ELOB: variants seen among roughly 807,000 people sequenced by gnomAD.
ELOB encodes elongin-B.
Under a neutral mutation model 12.9 loss-of-function variants are expected in ELOB, and 3 were observed. That is an observed-to-expected ratio of 0.23 (90% CI 0.11 to 0.60). ELOB has a LOEUF of 0.60. ELOB is among the 20% of genes least tolerant of loss of function. ELOB has a pLI of 0.89. For missense variants in ELOB, 126 were observed against 159.2 expected (o/e 0.79, Z 1.12); for synonymous variants, 84 against 67.4 (o/e 1.25, Z -1.21).
intron 3 of ELOB, among the ~76,000 whole-genome samples, chr16:2,774,601 C>G (rs1199629536): frequency 6.6e-6 from 1 of 152,252 alleles, no homozygotes; most frequent in African/African-American, 2.4e-5. Flanking sequence ...TGTTCCCTTA[C>G]AGGCAGAAAA....
rs371338420 is a variant in ELOB, at chr16:2,772,059, C to T, written c.288G>A (p.Pro96=). Residue 96 remains proline, a synonymous_variant, in exon 4 of 4, where the codon CCG becomes CCA. Coordinates refer to ENST00000409906, the MANE Select transcript of ELOB (RefSeq NM_007108.4). ...EALCIEPFSS[P]PELPDVMKPQ... ...GCTTCATCACATCGGGCAGCTCTGG[C>T]GGGCTGGAAAACGGCTCGATGCACA... is the stretch of plus-strand genomic sequence containing the variant. 1.9e-4 allele frequency: 310 copies of T among 1,612,384 alleles called. 2 individuals carry two copies. In the Middle Eastern group the frequency reaches 3.5e-3, roughly 18 times the overall value.
chr16:2,771,493 G>GA lies in ELOB; in HGVS notation c.*496dup. Reference sequence around the variant, plus strand: ...GTGATTACAGCCCCCAGCGTGGGTGGACCTGTGTGGGTCCGTCTTGGGGTT... The same window carrying GA: ...GTGATTACAGCCCCCAGCGTGGGTGGAACCTGTGTGGGTCCGTCTTGGGGTT... On this transcript the variant is annotated 3_prime_UTR_variant, in exon 4 of 4. Transcript: ENST00000409906. The GA allele has an allele frequency of 6.2e-7, 1 of 1,614,222 alleles. No homozygotes were observed. Among genetic ancestry groups the GA allele is most frequent in the East Asian group, 2.2e-5 (1 of 44,890 alleles).
chr16:2,771,471 A>T lies in ELOB; in HGVS notation c.*519T>A. On this transcript the variant is annotated 3_prime_UTR_variant, in exon 4 of 4. Transcript: ENST00000409906. ...AAGGGGGCAGCCACTTCCCTCCGTG[A>T]TTACAGCCCCCAGCGTGGGTGGACC... The T allele has an allele frequency of 6.2e-7, 1 of 1,614,132 alleles. No individual in the cohort carries two copies. Among genetic ancestry groups the T allele is most frequent in the Non-Finnish European group, 8.5e-7 (1 of 1,180,026 alleles).
intron 2 of ELOB, among the ~76,000 whole-genome samples, chr16:2,776,512 C>G (rs1314493842): frequency 2.0e-5 from 3 of 152,224 alleles, no homozygotes; most frequent in Non-Finnish European, 4.4e-5. Context: ...TAATAACAAA[C>G]GGTTGCTTGG....
chr16:2,777,122 C>T lies in ELOB; in HGVS notation c.9G>A (p.Val3=). The change falls in exon 2 of 4, where the codon GTG becomes GTA. Residue 3 remains valine (V), a synonymous_variant. Coordinates refer to ENST00000409906, the MANE Select transcript of ELOB (RefSeq NM_007108.4). The stretch of plus-strand genomic sequence containing the variant: ...TCTTGTGGCGCCGGATCATGAGGAA[C>T]ACGTCCTGGGGGCGGCGGGCCGGCG... MD[V]FLMIRRHKTT... 8 of 1,572,456 alleles carry T rather than the reference C, an allele frequency of 5.1e-6. No individual in the cohort carries two copies. The highest frequency in any genetic ancestry group is 6.9e-6 in the Non-Finnish European group (8 of 1,160,638).
intron 3 of ELOB, chr16:2,772,663 C>T (rs944584661): frequency 7.9e-5 from 12 of 151,204 alleles, no homozygotes; most frequent in Non-Finnish European, 1.5e-5. Flanking sequence ...TAGCTGAGAT[C>T]GCGCCACTGC....
At chr16:2,776,902 G>A in intron 2 of ELOB, 91 bp downstream of exon 2, 1 of 1,441,576 alleles carries the variant, frequency 6.9e-7, no homozygotes, top group Non-Finnish European at 9.2e-7. Context: ...GGCGTCGCCG[G>A]CCGCTACTGT....
Position 2,775,676 on chromosome 16 carries a change from G to A in ELOB, c.139-120C>T, listed in dbSNP as rs566408409. ...GAGAGAGTTCCCTCAGTGTGGCCCA[G>A]GACCACCACGCTGCTTGACAAATAC... On this transcript the variant is annotated intron_variant, in intron 2 of 3. Transcript: ENST00000409906. 2.4e-4 allele frequency: 160 copies of A among 656,974 alleles called. 6 individuals are homozygous for A. Among genetic ancestry groups the A allele is most frequent in the South Asian group, 1.6e-3 (83 of 50,686 alleles). 40.7% of individuals were successfully genotyped at this position (656,974 alleles called of 1,614,324 possible).
rs894580068 is a variant in ELOB, at chr16:2,774,166, G to A, written c.244+1285C>T. 2.6e-5 allele frequency among the ~76,000 whole-genome samples: 4 copies of A among 152,184 alleles called. No homozygotes were observed. The East Asian group carries it at 7.7e-4, about 29-fold the overall frequency. ...AATCGCTTGAACCCGGGAGGCAGCG[G>A]CTGCAGTGGGCTGAGATGGCGCCAC... On this transcript the variant is annotated intron_variant, in intron 3 of 3. Coordinates refer to ENST00000409906, the MANE Select transcript of ELOB (RefSeq NM_007108.4).
Position 2,771,500 on chromosome 16 carries a change from G to A in ELOB, c.*490C>T. 1 of 1,614,226 alleles carries A rather than the reference G, an allele frequency of 6.2e-7. No individual in the cohort carries two copies. Among genetic ancestry groups the A allele is most frequent in the Non-Finnish European group, 8.5e-7 (1 of 1,180,050 alleles). On this transcript the variant is annotated 3_prime_UTR_variant, in exon 4 of 4. Coordinates refer to ENST00000409906, the MANE Select transcript of ELOB (RefSeq NM_007108.4). ...CAGCCCCCAGCGTGGGTGGACCTGT[G>A]TGGGTCCGTCTTGGGGTTCCCTCGT...
At position 2,772,064 on chromosome 16, in the gene ELOB, T is replaced by G. The variant is rs1294920266; in HGVS notation, c.283A>C (p.Ser95Arg). ...ATCACATCGGGCAGCTCTGGCGGGC[T>G]GGAAAACGGCTCGATGCACAGGGCC... ...FEALCIEPFS[S>R]PPELPDVMKP... Residue 95 changes from serine (S) to arginine (R), a missense_variant, in exon 4 of 4, where the codon AGC becomes CGC. Coordinates refer to ENST00000409906, the MANE Select transcript of ELOB (RefSeq NM_007108.4). 1.2e-6 allele frequency: 2 copies of G among 1,612,438 alleles called. No homozygotes were observed. Among genetic ancestry groups the G allele is most frequent in the Non-Finnish European group, 1.7e-6 (2 of 1,179,110 alleles).
At chr16:2,775,420 CA>C in intron 3 of ELOB, 30 bp downstream of exon 3, 2 of 1,524,286 alleles carry the variant, frequency 1.3e-6, no homozygotes, top group Non-Finnish European at 1.8e-6. Flanking sequence ...GCTTGGCTAC[CA>C]CCCAGCCCAG....
In ELOB at chr16:2,773,239, C is replaced by T. The variant is rs557596267; in HGVS notation, c.245-1137G>A. ...CTGGAATGCCTGATCACAGTTGTGG[C>T]GGTCACAAATGGGGAGGTGGGGTGC... On this transcript the variant is annotated intron_variant, in intron 3 of 3. Coordinates refer to ENST00000409906, the MANE Select transcript of ELOB (RefSeq NM_007108.4). Among the ~76,000 whole-genome samples the T allele has an allele frequency of 1.2e-4, 19 of 152,124 alleles. 1 individual carries two copies. The East Asian group carries it at 3.5e-3, about 28-fold the overall frequency.
At chr16:2,773,977 C>A (rs371482727) in intron 3 of ELOB, among the ~76,000 whole-genome samples, 3 of 152,192 alleles carry the variant, frequency 2.0e-5, no homozygotes, top group Non-Finnish European at 2.9e-5. Flanking sequence ...GGCCTGTAAT[C>A]CCAGCACTTT....
At chr16:2,776,207 C>CGG (rs2068799055) in intron 2 of ELOB, among the ~76,000 whole-genome samples, 1 of 152,174 alleles carries the variant, frequency 6.6e-6, no homozygotes, top group South Asian at 2.1e-4. Context: ...TGCACAGGCA[C>CGG]GGTCATTTAA....
rs79886307 is a variant in ELOB at position 2,771,507 on chromosome 16, C to T, written c.*483G>A. 1.7e-4 allele frequency: 280 copies of T among 1,614,180 alleles called. 3 individuals carry two copies. The East Asian group carries it at 3.7e-3, about 21-fold the overall frequency. On this transcript the variant is annotated 3_prime_UTR_variant, in exon 4 of 4. Transcript: ENST00000409906. ...CAGCGTGGGTGGACCTGTGTGGGTC[C>T]GTCTTGGGGTTCCCTCGTTGAACAT...
At chr16:2,776,963 C>G (rs534771869) in intron 2 of ELOB, 30 bp downstream of exon 2, 8 of 1,542,376 alleles carry the variant, frequency 5.2e-6, no homozygotes, top group African/African-American at 2.8e-5. Flanking sequence ...GCCGGGTACC[C>G]GCTCCCCTCG....
In ELOB at chr16:2,776,735, G is replaced by C. The variant is rs1325051795; in HGVS notation, c.138+258C>G. ...ATTTCGTCAACTGCACGGCGCGGGC[G>C]ATACCGTTGCAGGGGTTGCATGCCA... On this transcript the variant is annotated intron_variant, in intron 2 of 3. Transcript: ENST00000409906. Among the ~76,000 whole-genome samples, 70 of 152,230 alleles carry C rather than the reference G, an allele frequency of 4.6e-4. 1 individual carries two copies. The highest frequency in any genetic ancestry group is 1.0e-4 in the Non-Finnish European group (7 of 68,042).
chr16:2,772,129 G>T (rs1481977660), intron 3 of ELOB, 27 bp from the exon 4 acceptor site: 2 of 1,565,612 alleles, frequency 1.3e-6, no homozygotes, highest in Non-Finnish European at 1.7e-6. Flanking sequence ...AGAGCTGCAG[G>T]GGGGTATTCC....
Sources: gnomAD v4.1 joint callset for allele counts (sites outside exome capture counted in the v4.1 genomes callset) on GRCh38, gnomAD v4.1.1 for gene constraint, MANE v1.5 for transcripts, NCBI Gene and HGNC (gene_info 2026-07-23, HGNC 2026-07-21) for gene names.